Variants in PCSK2 observed in about 807,000 individuals in gnomAD.
PCSK2 encodes the protein proprotein convertase subtilisin/kexin type 2, also known as neuroendocrine convertase 2.
A neutral mutation model predicts 69.7 loss-of-function variants in PCSK2; 14 were observed. That is an observed-to-expected ratio of 0.20 (90% CI 0.13 to 0.31). The LOEUF is 0.31. Among genes scored for constraint, PCSK2 ranks in the 10% least tolerant of loss-of-function variants. The pLI, the probability that PCSK2 is intolerant of heterozygous loss-of-function variation, is 1.00. For synonymous variants in PCSK2, 307 were observed against 320.7 expected (o/e 0.96, Z 0.46); for missense variants, 544 against 842.5 (o/e 0.65, Z 4.39).
At chr20:17,374,467 C>T (rs1442217453) in intron 5 of PCSK2, among the ~76,000 whole-genome samples, 1 of 152,152 alleles carries the variant, frequency 6.6e-6, no homozygotes, top group African/African-American at 2.4e-5. Flanking sequence ...TGCTTTGTAG[C>T]TTTGCTGAAG....
chr20:17,364,228 T>G (rs919729331), intron 4 of PCSK2, among the ~76,000 whole-genome samples: 3 of 151,982 alleles, frequency 2.0e-5, no homozygotes, highest in Admixed American at 2.0e-4. Context: ...AAATAAAAGA[T>G]TCAAACCTGA....
chr20:17,400,719 C>A (rs989040296), intron 5 of PCSK2, among the ~76,000 whole-genome samples: 6 of 152,222 alleles, frequency 3.9e-5, no homozygotes, highest in African/African-American at 1.4e-4. Flanking sequence ...CTACTCTATA[C>A]TTACCATCAA....
chr20:17,453,101 C>T lies in PCSK2; in HGVS notation c.886-641C>T, dbSNP rs1001877860. ...TATGTGTTTAAAAGGATTCTAGTAT[C>T]CAATTGAATAAAAAAGAATATATAC... is the stretch of plus-strand genomic sequence containing the variant. On this transcript the variant is annotated intron_variant, in intron 8 of 11. Coordinates refer to ENST00000262545, the MANE Select transcript of PCSK2 (RefSeq NM_002594.5). The surrounding 1 kb of genome is among the most constrained non-coding windows in gnomAD (Gnocchi z 4.0). 2.6e-5 allele frequency among the ~76,000 whole-genome samples: 4 copies of T among 151,844 alleles called. No homozygotes were observed. The highest frequency in any genetic ancestry group is 5.9e-5 in the Non-Finnish European group (4 of 67,988).
chr20:17,282,219 C>T (rs778425152), intron 2 of PCSK2, among the ~76,000 whole-genome samples: 5 of 151,944 alleles, frequency 3.3e-5, no homozygotes, highest in Non-Finnish European at 5.9e-5. Flanking sequence ...GACAGACAAT[C>T]CCTACCTCTC....
At chr20:17,303,387 A>G (rs866306726) in intron 2 of PCSK2, among the ~76,000 whole-genome samples, 1 of 115,686 alleles carries the variant, frequency 8.6e-6, no homozygotes, top group African/African-American at 3.3e-5. Context: ...ATATTAATAT[A>G]ATATATAATA....
At chr20:17,325,228 C>A (rs1406686162) in intron 2 of PCSK2, among the ~76,000 whole-genome samples, 1 of 152,032 alleles carries the variant, frequency 6.6e-6, no homozygotes, top group Non-Finnish European at 1.5e-5. Context: ...TGCTCAGCAC[C>A]AAGCAGAAGG....
chr20:17,450,919 A>G (rs2123377108), intron 8 of PCSK2, among the ~76,000 whole-genome samples: 1 of 152,258 alleles, frequency 6.6e-6, no homozygotes, highest in Admixed American at 6.5e-5. Context: ...GTAGGGTGGC[A>G]TGCCAGCAAC....
At chr20:17,479,204 A>G (rs2033345484) in intron 11 of PCSK2, 4 of 1,372,460 alleles carry the variant, frequency 2.9e-6, no homozygotes, top group South Asian at 2.3e-5. Context: ...TGCGAAAGCC[A>G]TATGCGCTCT....
intron 2 of PCSK2, among the ~76,000 whole-genome samples, chr20:17,287,562 A>G (rs1412236649): frequency 6.6e-6 from 1 of 152,130 alleles, no homozygotes; most frequent in Non-Finnish European, 1.5e-5. Context: ...GCTCAAGCAT[A>G]GGAGCAAGTG....
chr20:17,429,585 G>T (rs1025612153), intron 7 of PCSK2, 62 bp downstream of exon 7: 1 of 1,090,298 alleles, frequency 9.2e-7, no homozygotes. Flanking sequence ...AAGGCTGACT[G>T]TGGCCCAGCA....
At chr20:17,478,250 TA>T (rs567956077) in intron 11 of PCSK2, among the ~76,000 whole-genome samples, 49 of 147,758 alleles carry the variant, frequency 3.3e-4, no homozygotes, top group African/African-American at 1.3e-3. Flanking sequence ...CCCCAAATAT[TA>T]ATACTTGTCT....
chr20:17,404,378 A>T (rs1221864145), intron 5 of PCSK2, among the ~76,000 whole-genome samples: 1 of 152,250 alleles, frequency 6.6e-6, no homozygotes, highest in East Asian at 1.9e-4. Context: ...CTAACCTTGG[A>T]AACAAACAGG....
intron 4 of PCSK2, among the ~76,000 whole-genome samples, chr20:17,365,384 G>C (rs1359603833): frequency 1.3e-5 from 2 of 152,140 alleles, no homozygotes; most frequent in Non-Finnish European, 2.9e-5. Context: ...TAGGGATTAA[G>C]TTTCAACATA....
At chr20:17,272,799 A>T (rs1987921062) in intron 2 of PCSK2, among the ~76,000 whole-genome samples, 1 of 152,072 alleles carries the variant, frequency 6.6e-6, no homozygotes, top group African/African-American at 2.4e-5. Context: ...ACAGTGTCTC[A>T]CCAGGGAGGC....
intron 5 of PCSK2, among the ~76,000 whole-genome samples, chr20:17,372,598 G>A (rs1241504529): frequency 2.0e-5 from 3 of 152,122 alleles, no homozygotes; most frequent in Admixed American, 1.3e-4. Flanking sequence ...TGATTTCTGT[G>A]CAAAACTGCG....
At position 17,442,269 on chromosome 20, in the gene PCSK2, G is replaced by A. The variant is rs552831588; in HGVS notation, c.885+5386G>A. On this transcript the variant is annotated intron_variant, in intron 8 of 11. Transcript: ENST00000262545. ...TTCTATTCCTAGAAGTTCTGGAGAC[G>A]GAAGTGTCAGCAGGGTTGGCTGACA... is the stretch of plus-strand genomic sequence containing the variant. Among the ~76,000 whole-genome samples, 12 of 151,664 alleles carry A rather than the reference G, an allele frequency of 7.9e-5. No homozygotes were observed. In the South Asian group the frequency reaches 1.3e-3, roughly 16 times the overall value.
intron 10 of PCSK2, among the ~76,000 whole-genome samples, chr20:17,460,343 C>T (rs1313995949): frequency 6.6e-6 from 1 of 151,938 alleles, no homozygotes; most frequent in African/African-American, 2.4e-5. Context: ...CCAAGGAGCC[C>T]CACCCAGTGG....
chr20:17,233,426 G>A (rs1169000777), intron 1 of PCSK2, among the ~76,000 whole-genome samples: 1 of 152,144 alleles, frequency 6.6e-6, no homozygotes, highest in Non-Finnish European at 1.5e-5. Context: ...GTGAGGGAGT[G>A]ACAACTGATT....
At position 17,431,585 on chromosome 20, in the gene PCSK2, T is replaced by G. The variant is rs558082868; in HGVS notation, c.709+2062T>G. ...AAGATTTTGAGCAAGGGAGGCTCCT[T>G]TCTTTCTTTTCCCACTCCCTTAGCC... On this transcript the variant is annotated intron_variant, in intron 7 of 11. Coordinates refer to ENST00000262545, the MANE Select transcript of PCSK2 (RefSeq NM_002594.5). Among the ~76,000 whole-genome samples, 3 of 152,276 alleles carry G rather than the reference T, an allele frequency of 2.0e-5. No homozygotes were observed. The South Asian group carries it at 6.2e-4, about 32-fold the overall frequency.
Sources: gnomAD v4.1 joint callset for allele counts (sites outside exome capture counted in the v4.1 genomes callset) on GRCh38, gnomAD v4.1.1 for gene constraint, Gnocchi (gnomAD v3.1) non-coding constraint, MANE v1.5 for transcripts, NCBI Gene and HGNC (gene_info 2026-07-23, HGNC 2026-07-21) for gene names.